The following COL23A1 variants were observed in gnomAD, a reference collection of about 807,000 sequenced individuals.
COL23A1 encodes the protein collagen alpha-1(XXIII) chain.
Under a neutral mutation model 99.3 loss-of-function variants are expected in COL23A1, and 97 were observed. The ratio of observed to expected loss-of-function variants is 0.98; its 90% CI spans 0.83 to 1.16. The LOEUF (loss-of-function observed/expected upper bound fraction) is 1.16. COL23A1 is among the 50% of genes most tolerant of loss of function. The pLI, the probability that COL23A1 is intolerant of heterozygous loss-of-function variation, is 0.00. For synonymous variants in COL23A1, 320 were observed against 308.2 expected (o/e 1.04, Z -0.40); for missense variants, 762 against 757.4 (o/e 1.01, Z -0.07).
At chr5:178,263,127 A>C (rs1454319042) in intron 9 of COL23A1, 81 bp downstream of exon 9, 1 of 995,366 alleles carries the variant, frequency 1.0e-6, no homozygotes, top group Non-Finnish European at 1.6e-6. Context: ...AGAGATGGGG[A>C]TGGGGATGGG....
At chr5:178,337,028 G>C (rs977894437) in intron 2 of COL23A1, among the ~76,000 whole-genome samples, 1 of 152,230 alleles carries the variant, frequency 6.6e-6, no homozygotes, top group African/African-American at 2.4e-5. Context: ...GCGGAAACAG[G>C]GATCACGCAG....
At chr5:178,448,716 C>T (rs1001152332) in intron 2 of COL23A1, among the ~76,000 whole-genome samples, 25 of 152,090 alleles carry the variant, frequency 1.6e-4, no homozygotes, top group African/African-American at 5.6e-4. Context: ...GACCCAAATA[C>T]GTCCCATTAG....
At chr5:178,432,820 G>A (rs1473291886) in intron 2 of COL23A1, among the ~76,000 whole-genome samples, 1 of 152,090 alleles carries the variant, frequency 6.6e-6, no homozygotes, top group Admixed American at 6.5e-5. Context: ...TCTTCCTTGA[G>A]GTCCTGGGCA....
Position 178,365,093 on chromosome 5 carries a change from G to C in COL23A1, c.362-58174C>G, listed in dbSNP as rs111275572. Reference sequence around the variant, plus strand: ...CCGTAGGGGCAATAACAATCTCTTTGTAATTTCTCTTTGGGGTGGGCTTTA... The same window carrying C: ...CCGTAGGGGCAATAACAATCTCTTTCTAATTTCTCTTTGGGGTGGGCTTTA... On this transcript the variant is annotated intron_variant, in intron 2 of 28. Transcript: ENST00000390654. The surrounding 1 kb of genome is among the most constrained non-coding windows in gnomAD (Gnocchi z 5.2). Among the ~76,000 whole-genome samples the C allele has an allele frequency of 6.6e-5, 10 of 151,868 alleles. 1 individual carries two copies. The highest frequency in any genetic ancestry group is 3.9e-4 in the East Asian group (2 of 5,116).
rs72648837 is a variant in COL23A1, at chr5:178,450,539, C to T, written c.361+110143G>A. Among the ~76,000 whole-genome samples the T allele has an allele frequency of 0.016, 2,431 of 152,174 alleles. 228 individuals are homozygous for T. The East Asian group carries it at 0.26, about 16-fold the overall frequency. On this transcript the variant is annotated intron_variant, in intron 2 of 28. Transcript: ENST00000390654. ...TAGTAAGCTGGGTGTCCACAGCCTC[C>T]GAGCCGCTACACCGGTGTCTGTGCT...
rs2913780 is a variant in COL23A1, at chr5:178,317,547, G to T, written c.362-10628C>A. Among the ~76,000 whole-genome samples the T allele has an allele frequency of 1.1e-4, 16 of 152,380 alleles. 1 individual carries two copies. The South Asian group carries it at 3.1e-3, about 30-fold the overall frequency. ...CACTGATCAAAATTACCTTTTGTTGGAGGTATGCAGATTTTCTTTATCAAC... is the reference window on the plus strand; with the variant it reads ...CACTGATCAAAATTACCTTTTGTTGTAGGTATGCAGATTTTCTTTATCAAC... On this transcript the variant is annotated intron_variant, in intron 2 of 28. Coordinates refer to ENST00000390654, the MANE Select transcript of COL23A1 (RefSeq NM_173465.4).
chr5:178,513,443 A>G (rs1224933485), intron 2 of COL23A1, among the ~76,000 whole-genome samples: 8 of 152,176 alleles, frequency 5.3e-5, no homozygotes, highest in Non-Finnish European at 1.5e-5. Context: ...GTGGCTTAAA[A>G]CAACACAGAT....
rs141413582 is a variant in COL23A1 at position 178,360,669 on chromosome 5, A to G, written c.362-53750T>C. 3.2e-4 allele frequency among the ~76,000 whole-genome samples: 48 copies of G among 152,334 alleles called. No individual in the cohort carries two copies. In the East Asian group the frequency reaches 8.9e-3, roughly 28 times the overall value. On this transcript the variant is annotated intron_variant, in intron 2 of 28. Coordinates refer to ENST00000390654, the MANE Select transcript of COL23A1 (RefSeq NM_173465.4). Reference sequence around the variant, plus strand: ...CTCCCTATTTGGGTCATGAAACATAATATGTTTCGAATGAGAAACATACTA... The same window carrying G: ...CTCCCTATTTGGGTCATGAAACATAGTATGTTTCGAATGAGAAACATACTA...
At chr5:178,397,969 G>A (rs1388640729) in intron 2 of COL23A1, among the ~76,000 whole-genome samples, 2 of 152,026 alleles carry the variant, frequency 1.3e-5, no homozygotes, top group Admixed American at 6.6e-5. Context: ...CCTGGTGACA[G>A]AGTGAGACTT....
At chr5:178,533,484 T>C (rs949928039) in intron 2 of COL23A1, among the ~76,000 whole-genome samples, 1 of 152,184 alleles carries the variant, frequency 6.6e-6, no homozygotes, top group Non-Finnish European at 1.5e-5. Context: ...GCTTCATCCA[T>C]GTTGTAGCAT....
At chr5:178,501,198 A>C (rs1050662683) in intron 2 of COL23A1, among the ~76,000 whole-genome samples, 4 of 152,220 alleles carry the variant, frequency 2.6e-5, no homozygotes, top group Non-Finnish European at 4.4e-5. Context: ...TACAGCAGTC[A>C]GTTTTCTGGC....
chr5:178,362,305 C>G (rs1762214934), intron 2 of COL23A1, among the ~76,000 whole-genome samples: 1 of 152,124 alleles, frequency 6.6e-6, no homozygotes, highest in African/African-American at 2.4e-5. Context: ...GCGGCTCAAC[C>G]ACAGGCCCCG....
Position 178,249,106 on chromosome 5 carries a change from C to G in COL23A1, c.1149+11G>C. 6.2e-7 allele frequency: 1 copy of G among 1,613,186 alleles called. No individual in the cohort carries two copies. Among genetic ancestry groups the G allele is most frequent in the Non-Finnish European group, 8.5e-7 (1 of 1,179,186 alleles). On this transcript the variant is annotated intron_variant, in intron 19 of 28. Coordinates refer to ENST00000390654, the MANE Select transcript of COL23A1 (RefSeq NM_173465.4). ...AGGAGGCGTAATGTGTGGCCCAACC[C>G]AGCCACATACCGGGAGGCCGGACAA...
rs1764177770 is a variant in COL23A1, at chr5:178,589,862, G to A, written c.294+42C>T. On this transcript the variant is annotated intron_variant, in intron 1 of 28. Transcript: ENST00000390654. The surrounding 1 kb of genome is among the most constrained non-coding windows in gnomAD (Gnocchi z 5.4). The stretch of plus-strand genomic sequence containing the variant: ...CCCAGCGTACCGCCACCCTCAACCC[G>A]ACACACCCAAGTCCGCCCCAGCCAC... 1 of 1,266,584 alleles carries A rather than the reference G, an allele frequency of 7.9e-7. No homozygotes were observed. Among genetic ancestry groups the A allele is most frequent in the Non-Finnish European group, 9.9e-7 (1 of 1,007,974 alleles). 78.5% of individuals were successfully genotyped at this position (1,266,584 alleles called of 1,614,324 possible).
chr5:178,569,517 C>G (rs1002888079), intron 1 of COL23A1, among the ~76,000 whole-genome samples: 2 of 152,194 alleles, frequency 1.3e-5, no homozygotes, highest in Non-Finnish European at 2.9e-5. Flanking sequence ...ATCTGATCCT[C>G]TTTAGTTAAC....
chr5:178,297,202 C>T (rs1300382918), intron 3 of COL23A1, among the ~76,000 whole-genome samples: 2 of 152,256 alleles, frequency 1.3e-5, no homozygotes, highest in African/African-American at 4.8e-5. Flanking sequence ...TTGGACAAAC[C>T]TTCCACGACT....
chr5:178,586,499 G>A (rs1764013066), intron 1 of COL23A1, among the ~76,000 whole-genome samples: 1 of 151,904 alleles, frequency 6.6e-6, no homozygotes, highest in African/African-American at 2.4e-5. Context: ...AAGCCGATGT[G>A]GAAAAGTCCA....
At chr5:178,253,675 G>T (rs1278382669) in intron 16 of COL23A1, among the ~76,000 whole-genome samples, 3 of 151,648 alleles carry the variant, frequency 2.0e-5, no homozygotes, top group African/African-American at 7.3e-5. Flanking sequence ...GAGAGACGCG[G>T]TTTCACTATG....
At chr5:178,258,559 C>T (rs997153901) in intron 12 of COL23A1, among the ~76,000 whole-genome samples, 1 of 151,654 alleles carries the variant, frequency 6.6e-6, no homozygotes, top group Non-Finnish European at 1.5e-5. Context: ...CCACGCCCGG[C>T]TAATTTTTTG....
Sources: allele counts gnomAD v4.1 joint callset (sites outside exome capture counted in the v4.1 genomes callset), GRCh38; gene constraint gnomAD v4.1.1; non-coding constraint Gnocchi (gnomAD v3.1); transcripts MANE v1.5; gene names NCBI Gene and HGNC (gene_info 2026-07-23, HGNC 2026-07-21).